Variants in BACH2 observed in about 807,000 individuals in gnomAD.
BACH2 encodes BACH transcriptional regulator 2, also known as transcription regulator protein BACH2.
BACH2 carries 5 observed loss-of-function variants against 61.8 expected under a neutral mutation model. The ratio of observed to expected loss-of-function variants is 0.08; its 90% CI spans 0.04 to 0.17. The LOEUF (loss-of-function observed/expected upper bound fraction) is 0.17. Ranked by LOEUF, BACH2 falls within the 10% of genes least tolerant of loss-of-function variation. The probability of loss-of-function intolerance (pLI) is 1.00; values close to 1 mark genes in which losing one functional copy is unlikely to be tolerated. For missense variants in BACH2, 824 were observed against 1,091.1 expected, an observed-to-expected ratio of 0.76 and a Z score of 3.45; for synonymous variants, 446 against 440.1, an observed-to-expected ratio of 1.01 and a Z score of -0.17.
chr6:90,078,308 A>C (rs1334353807), intron 5 of BACH2, among the ~76,000 whole-genome samples: 37 of 152,180 alleles, frequency 2.4e-4, no homozygotes, highest in Admixed American at 2.4e-3. Flanking sequence ...AGAACTGAAC[A>C]TCCATGTTTA....
chr6:90,016,311 T>C (rs775810284), intron 5 of BACH2, among the ~76,000 whole-genome samples: 64 of 152,212 alleles, frequency 4.2e-4, no homozygotes, highest in South Asian at 8.3e-4. Context: ...TTGCTACTTG[T>C]TTTCTATTTG....
intron 2 of BACH2, among the ~76,000 whole-genome samples, chr6:90,265,727 G>A (rs143884618): frequency 2.6e-5 from 4 of 152,268 alleles, no homozygotes; most frequent in Non-Finnish European, 4.4e-5. Flanking sequence ...GTTGACTTAC[G>A]TTGCAGGCAT....
rs147307364 is a variant in BACH2, at chr6:90,039,584, T to C, written c.-12-30728A>G. Among the ~76,000 whole-genome samples the C allele has an allele frequency of 8.1e-4, 124 of 152,208 alleles. 2 individuals carry two copies. The East Asian group carries it at 0.015, about 19-fold the overall frequency. Reference sequence around the variant, plus strand: ...TATTTTCAGTAGAGACGGGGTTTCATCGTGTTAGCCAGGATGGTCTCTATC... The same window carrying C: ...TATTTTCAGTAGAGACGGGGTTTCACCGTGTTAGCCAGGATGGTCTCTATC... On this transcript the variant is annotated intron_variant, in intron 5 of 8. Coordinates refer to ENST00000257749, the MANE Select transcript of BACH2 (RefSeq NM_021813.4).
chr6:89,957,825 C>T (rs768302105), intron 6 of BACH2, among the ~76,000 whole-genome samples: 3 of 152,150 alleles, frequency 2.0e-5, no homozygotes, highest in Non-Finnish European at 2.9e-5. Context: ...CAAGTGTTAG[C>T]CATTGTGCCT....
At chr6:90,121,326 G>GTTAGC (rs888525173) in intron 4 of BACH2, among the ~76,000 whole-genome samples, 1 of 152,108 alleles carries the variant, frequency 6.6e-6, no homozygotes, top group African/African-American at 2.4e-5. Flanking sequence ...ACCCAGTCAG[G>GTTAGC]TTAGCTAAGA....
At chr6:90,294,880 C>T (rs192832057) in intron 1 of BACH2, among the ~76,000 whole-genome samples, 1 of 152,314 alleles carries the variant, frequency 6.6e-6, no homozygotes, top group East Asian at 1.9e-4. Context: ...CCGTTATCAG[C>T]GTTAACATCT....
intron 8 of BACH2, among the ~76,000 whole-genome samples, chr6:89,934,852 G>A (rs1772914027): frequency 1.3e-5 from 2 of 152,174 alleles, no homozygotes; most frequent in East Asian, 1.9e-4. Context: ...GCAGGCATGC[G>A]ACACGCACAA....
chr6:89,948,084 C>T (rs1584515292), intron 7 of BACH2, among the ~76,000 whole-genome samples: 1 of 152,198 alleles, frequency 6.6e-6, no homozygotes, highest in African/African-American at 2.4e-5. Context: ...AGACTTTAAG[C>T]TCTCTTTTGG....
rs907913739 is a variant in BACH2 at position 90,283,140 on chromosome 6, T to C, written c.-445-11199A>G. ...ATCTTTTTATATATTTACTAGCCAATTGGGTTTCTTCCTTTGTGAAATGCA... is the reference window on the plus strand; with the variant it reads ...ATCTTTTTATATATTTACTAGCCAACTGGGTTTCTTCCTTTGTGAAATGCA... On this transcript the variant is annotated intron_variant, in intron 1 of 8. Transcript: ENST00000257749. Among the ~76,000 whole-genome samples the C allele has an allele frequency of 1.9e-4, 29 of 152,364 alleles. No homozygotes were observed. In the East Asian group the frequency reaches 5.0e-3, roughly 26 times the overall value.
At chr6:89,961,007 T>C (rs1306887087) in intron 6 of BACH2, among the ~76,000 whole-genome samples, 6 of 152,244 alleles carry the variant, frequency 3.9e-5, no homozygotes, top group African/African-American at 1.4e-4. Flanking sequence ...ACCTTGGGTA[T>C]GTGGAACCTT....
chr6:89,999,607 AAAT>A (rs1215335112), intron 6 of BACH2, among the ~76,000 whole-genome samples: 2 of 152,224 alleles, frequency 1.3e-5, no homozygotes, highest in African/African-American at 4.8e-5. Flanking sequence ...AACTACGACA[AAAT>A]AATAGTTATG....
At chr6:90,009,700 G>A (rs1777604415) in intron 5 of BACH2, among the ~76,000 whole-genome samples, 2 of 152,114 alleles carry the variant, frequency 1.3e-5, no homozygotes, top group Admixed American at 6.5e-5. Context: ...TTTTGTTCTT[G>A]TCGCCCAGGC....
chr6:90,027,480 T>G (rs1778694641), intron 5 of BACH2, among the ~76,000 whole-genome samples: 1 of 152,216 alleles, frequency 6.6e-6, no homozygotes. Flanking sequence ...GAAGAGATTT[T>G]TTTTTAATTC....
At chr6:90,242,759 T>G (rs1404493151) in intron 3 of BACH2, among the ~76,000 whole-genome samples, 1 of 152,238 alleles carries the variant, frequency 6.6e-6, no homozygotes, top group Non-Finnish European at 1.5e-5. Flanking sequence ...CAGTGCATTA[T>G]TTATGATCTA....
At chr6:89,956,145 G>T (rs1393685511) in intron 6 of BACH2, among the ~76,000 whole-genome samples, 3 of 152,140 alleles carry the variant, frequency 2.0e-5, no homozygotes, top group Non-Finnish European at 4.4e-5. Context: ...CTTGCATTTT[G>T]AATGAAAATA....
At chr6:90,070,675 T>C (rs78934116) in intron 5 of BACH2, among the ~76,000 whole-genome samples, 3,476 of 152,206 alleles carry the variant, frequency 0.023, 139 homozygotes, top group African/African-American at 0.077. Context: ...GTAGCAGAGG[T>C]TCACTGTTAC....
chr6:90,251,737 T>G (rs1331576259), intron 3 of BACH2, among the ~76,000 whole-genome samples: 1 of 152,190 alleles, frequency 6.6e-6, no homozygotes, highest in African/African-American at 2.4e-5. Flanking sequence ...CTTCACAGGA[T>G]GGAAGTAAAA....
intron 5 of BACH2, among the ~76,000 whole-genome samples, chr6:90,046,654 G>A (rs1304967956): frequency 1.3e-5 from 2 of 152,180 alleles, no homozygotes; most frequent in Non-Finnish European, 1.5e-5. Context: ...ATATCAATAT[G>A]GAAGGTACTA....
At chr6:90,247,358 C>G (rs1770672353) in intron 3 of BACH2, among the ~76,000 whole-genome samples, 1 of 151,498 alleles carries the variant, frequency 6.6e-6, no homozygotes. Context: ...GTTTCAACCT[C>G]CTTAGTAGCT....
Sources: gnomAD v4.1 joint callset for allele counts (sites outside exome capture counted in the v4.1 genomes callset) on GRCh38, gnomAD v4.1.1 for gene constraint, MANE v1.5 for transcripts, NCBI Gene and HGNC (gene_info 2026-07-23, HGNC 2026-07-21) for gene names.